PDPR: variants seen among roughly 807,000 people sequenced by gnomAD.
PDPR encodes pyruvate dehydrogenase phosphatase regulatory subunit, also known as pyruvate dehydrogenase phosphatase regulatory subunit, mitochondrial.
PDPR carries 50 observed loss-of-function variants against 102.2 expected under a neutral mutation model. The ratio of observed to expected loss-of-function variants is 0.49; its 90% confidence interval spans 0.39 to 0.62. PDPR has a LOEUF of 0.62. PDPR is among the 20% of genes least tolerant of loss of function. The probability of loss-of-function intolerance (pLI) is 0.00; values close to 1 mark genes in which losing one functional copy is unlikely to be tolerated. For missense variants in PDPR, 625 were observed against 1,098.2 expected (o/e 0.57, Z 6.09); for synonymous variants, 259 against 406.0 (o/e 0.64, Z 4.35).
intron 18 of PDPR, among the ~76,000 whole-genome samples, chr16:70,155,379 T>G (rs1967037191): frequency 6.6e-6 from 1 of 152,236 alleles, no homozygotes; most frequent in African/African-American, 2.4e-5. Context: ...CCTCCTGGCT[T>G]CAAGCGATTC....
chr16:70,132,581 G>A lies in PDPR; in HGVS notation c.997+281G>A, dbSNP rs921764077. Among the ~76,000 whole-genome samples the A allele has an allele frequency of 7.3e-5, 11 of 151,448 alleles. No homozygotes were observed. In the South Asian group the frequency reaches 1.0e-3, roughly 14 times the overall value. On this transcript the variant is annotated intron_variant, in intron 9 of 18. Transcript: ENST00000288050. ...ATTTCTTGAGACGGAGCCTTGCTCC[G>A]TGCTCAGACTGGAGTGCAGTTGCAC...
At chr16:70,140,521 T>C (rs1965600323) in intron 11 of PDPR, among the ~76,000 whole-genome samples, 1 of 152,040 alleles carries the variant, frequency 6.6e-6, no homozygotes, top group Non-Finnish European at 1.5e-5. Flanking sequence ...GGCAGGCACA[T>C]AGAAAATGGG....
At chr16:70,134,726 C>T (rs1597335360) in intron 9 of PDPR, among the ~76,000 whole-genome samples, 1 of 150,538 alleles carries the variant, frequency 6.6e-6, no homozygotes, top group African/African-American at 2.5e-5. Flanking sequence ...GCAGAGGCTG[C>T]AGTGGGCTGA....
At chr16:70,153,616 G>C in intron 18 of PDPR, 43 bp downstream of exon 18, 1 of 1,534,502 alleles carries the variant, frequency 6.5e-7, no homozygotes, top group Non-Finnish European at 8.8e-7. Flanking sequence ...AGCATCCCGA[G>C]TAGTGAATCT....
intron 17 of PDPR, among the ~76,000 whole-genome samples, chr16:70,151,229 C>T (rs540414874): frequency 4.6e-5 from 7 of 152,328 alleles, no homozygotes; most frequent in African/African-American, 9.6e-5. Flanking sequence ...CCACCGCACC[C>T]GGCCTATTTT....
intron 17 of PDPR, among the ~76,000 whole-genome samples, chr16:70,152,899 C>T (rs1232570925): frequency 2.0e-5 from 3 of 152,286 alleles, no homozygotes; most frequent in Non-Finnish European, 2.9e-5. Flanking sequence ...GCTCCCCCGC[C>T]GTCATCCGAT....
At chr16:70,123,353 C>T (rs1188422221) in intron 3 of PDPR, among the ~76,000 whole-genome samples, 2 of 152,264 alleles carry the variant, frequency 1.3e-5, no homozygotes, top group African/African-American at 4.8e-5. Context: ...CCTCCCACCA[C>T]AGCCTCCTGA....
intron 4 of PDPR, among the ~76,000 whole-genome samples, chr16:70,128,453 A>G (rs1039871688): frequency 2.0e-5 from 3 of 152,218 alleles, no homozygotes; most frequent in Non-Finnish European, 4.4e-5. Flanking sequence ...GTCTCAAACT[A>G]CTGACCTCAG....
At chr16:70,115,247 C>T (rs1309716437) in intron 2 of PDPR, among the ~76,000 whole-genome samples, 1 of 152,098 alleles carries the variant, frequency 6.6e-6, no homozygotes, top group Non-Finnish European at 1.5e-5. Context: ...CCTCAGCCTC[C>T]CAAGTAGCTG....
chr16:70,156,453 C>T (rs368867261), intron 18 of PDPR, 22 bp from the exon 19 acceptor site: 32 of 1,610,510 alleles, frequency 2.0e-5, no homozygotes, highest in South Asian at 1.2e-4. Context: ...CTGGATGACT[C>T]GGCGTTTCCT....
chr16:70,122,228 C>G (rs1183171685), intron 3 of PDPR, among the ~76,000 whole-genome samples: 19 of 152,244 alleles, frequency 1.2e-4, no homozygotes, highest in African/African-American at 3.9e-4. Flanking sequence ...CTCCAGTGAT[C>G]TACCCACCTT....
At chr16:70,133,599 G>T (rs1182364727) in intron 9 of PDPR, among the ~76,000 whole-genome samples, 1 of 151,766 alleles carries the variant, frequency 6.6e-6, no homozygotes, top group African/African-American at 2.4e-5. Flanking sequence ...TGTATTTTTA[G>T]TAGAGACAGG....
rs1486040815 is a variant in PDPR, at chr16:70,158,023, AGTCCACT to A, written c.*1146_*1152del. On this transcript the variant is annotated 3_prime_UTR_variant, in exon 19 of 19. Coordinates refer to ENST00000288050, the MANE Select transcript of PDPR (RefSeq NM_017990.5). The stretch of plus-strand genomic sequence containing the variant: ...GAGCTACACAGAGGTGACCCACGTT[AGTCCACT>A]GAGAGTTCTGAGTCCAAAGGGTGTA... The A allele has an allele frequency of 6.5e-6, 1 of 153,336 alleles. No homozygotes were observed. The highest frequency in any genetic ancestry group is 2.1e-4 in the South Asian group (1 of 4,848). The allele number at this position is 153,336 out of a possible 1,614,324, so 9.5% of individuals were successfully genotyped here.
At chr16:70,133,539 T>A (rs1461514153) in intron 9 of PDPR, among the ~76,000 whole-genome samples, 1 of 151,952 alleles carries the variant, frequency 6.6e-6, no homozygotes, top group Admixed American at 6.6e-5. Flanking sequence ...TGCCTCAGCC[T>A]CCTGAGTAGC....
Position 70,156,814 on chromosome 16 carries a change from G to T in PDPR, c.2575G>T (p.Ala859Ser). Reference sequence around the variant, plus strand: ...GGCCAAGGCCAAGCTCTACCCTGTCGCCTCCCTCTTCACCCAGAAGCGCCG... The same window carrying T: ...GGCCAAGGCCAAGCTCTACCCTGTCTCCTCCCTCTTCACCCAGAAGCGCCG... ...FQAKAKLYPVASLFTQKRRKD... is the reference protein window; with the variant it reads ...FQAKAKLYPVSSLFTQKRRKD... The change falls in exon 19 of 19, where the codon GCC becomes TCC. Residue 859 changes from alanine to serine, a missense_variant. Physicochemically the swap from Ala to Ser is moderately conservative, Grantham distance 99. Transcript: ENST00000288050. 6.2e-7 allele frequency: 1 copy of T among 1,614,042 alleles called. No homozygotes were observed. The highest frequency in any genetic ancestry group is 8.5e-7 in the Non-Finnish European group (1 of 1,179,882).
At chr16:70,144,109 C>G (rs1966015197) in intron 14 of PDPR, among the ~76,000 whole-genome samples, 1 of 151,918 alleles carries the variant, frequency 6.6e-6, no homozygotes, top group African/African-American at 2.4e-5. Flanking sequence ...CCAGGCTGAT[C>G]TTGAACACCT....
chr16:70,133,076 C>G (rs1402177540), intron 9 of PDPR, among the ~76,000 whole-genome samples: 4 of 144,382 alleles, frequency 2.8e-5, no homozygotes, highest in African/African-American at 1.0e-4. Context: ...TCCCAAAGTG[C>G]TGTGATTACG....
intron 3 of PDPR, among the ~76,000 whole-genome samples, chr16:70,125,259 C>T (rs1567524270): frequency 6.6e-6 from 1 of 152,236 alleles, no homozygotes; most frequent in Non-Finnish European, 1.5e-5. Flanking sequence ...ACCTGTAATC[C>T]TAGCTACTTG....
At chr16:70,128,542 A>C (rs552975175) in intron 4 of PDPR, among the ~76,000 whole-genome samples, 1 of 152,370 alleles carries the variant, frequency 6.6e-6, no homozygotes, top group African/African-American at 2.4e-5. Flanking sequence ...ATCTCATTTG[A>C]TCCTCACAAC....
Sources: allele counts gnomAD v4.1 joint callset (sites outside exome capture counted in the v4.1 genomes callset), GRCh38; gene constraint gnomAD v4.1.1; transcripts MANE v1.5; gene names NCBI Gene and HGNC (gene_info 2026-07-23, HGNC 2026-07-21).